The following DGKI variants were observed in gnomAD, a reference collection of about 807,000 sequenced individuals.
DGKI encodes the protein DAG kinase iota.
DGKI carries 55 observed loss-of-function variants against 147.5 expected under a neutral mutation model. The ratio of observed to expected loss-of-function variants is 0.37; its 90% CI spans 0.30 to 0.47. The LOEUF (loss-of-function observed/expected upper bound fraction) is 0.47, where lower values mean the gene tolerates loss of function less well. Ranked by LOEUF, DGKI falls within the 20% of genes least tolerant of loss-of-function variation. The probability of loss-of-function intolerance (pLI) is 1.00; values close to 1 mark genes in which losing one functional copy is unlikely to be tolerated. For synonymous variants in DGKI, 469 were observed against 477.1 expected (o/e 0.98, Z 0.22); for missense variants, 1,007 against 1,323.8 (o/e 0.76, Z 3.71).
intron 1 of DGKI, among the ~76,000 whole-genome samples, chr7:137,843,003 G>C (rs1798591510): frequency 6.6e-6 from 1 of 152,166 alleles, no homozygotes; most frequent in African/African-American, 2.4e-5. Context: ...GCGGTCTAAA[G>C]AGACAGTCCT....
At chr7:137,432,301 G>C (rs1001865350) in intron 28 of DGKI, among the ~76,000 whole-genome samples, 2 of 152,180 alleles carry the variant, frequency 1.3e-5, no homozygotes, top group Non-Finnish European at 2.9e-5. Flanking sequence ...CCATTGGGCT[G>C]TAACCTGCAG....
intron 1 of DGKI, among the ~76,000 whole-genome samples, chr7:137,804,838 T>C (rs1308268475): frequency 6.6e-6 from 1 of 152,242 alleles, no homozygotes; most frequent in East Asian, 1.9e-4. Flanking sequence ...TAATCTTACT[T>C]TGTAGGCTTA....
At chr7:137,515,577 T>C (rs1486032378) in intron 21 of DGKI, among the ~76,000 whole-genome samples, 3 of 152,188 alleles carry the variant, frequency 2.0e-5, no homozygotes, top group Non-Finnish European at 4.4e-5. Context: ...TTTTTACTTA[T>C]GTTATTAAAG....
At chr7:137,837,552 A>G (rs919094427) in intron 1 of DGKI, among the ~76,000 whole-genome samples, 1 of 152,192 alleles carries the variant, frequency 6.6e-6, no homozygotes, top group Non-Finnish European at 1.5e-5. Context: ...AGGTGGGGCC[A>G]CTGGGGGTGA....
intron 3 of DGKI, among the ~76,000 whole-genome samples, chr7:137,656,946 C>T (rs765612682): frequency 1.1e-4 from 17 of 152,120 alleles, no homozygotes; most frequent in Non-Finnish European, 1.9e-4. Context: ...GGGGCAAGAC[C>T]AACATCCAAA....
chr7:137,592,676 G>A (rs1819658484), intron 12 of DGKI, among the ~76,000 whole-genome samples: 2 of 152,266 alleles, frequency 1.3e-5, no homozygotes, highest in East Asian at 1.9e-4. Flanking sequence ...GGAAATCAAA[G>A]GAAAACAAGA....
intron 1 of DGKI, among the ~76,000 whole-genome samples, chr7:137,830,411 C>G (rs980772389): frequency 2.0e-5 from 3 of 152,198 alleles, no homozygotes; most frequent in Non-Finnish European, 4.4e-5. Context: ...TGACTGTGCT[C>G]TGGAGTGCAA....
rs938007260 is a variant in DGKI at position 137,632,508 on chromosome 7, T to C, written c.805-8954A>G. On this transcript the variant is annotated intron_variant, in intron 6 of 32. Coordinates refer to ENST00000614521, the MANE Select transcript of DGKI (RefSeq NM_001321708.2). ...AAAGACTAATGGACAACTGTACAAGTTGACATGTATACCCTGGGTATGAAG... is the reference window on the plus strand; with the variant it reads ...AAAGACTAATGGACAACTGTACAAGCTGACATGTATACCCTGGGTATGAAG... 3.3e-5 allele frequency among the ~76,000 whole-genome samples: 5 copies of C among 152,186 alleles called. 1 individual carries two copies. Among genetic ancestry groups the C allele is most frequent in the Admixed American group, 2.0e-4 (3 of 15,288 alleles).
chr7:137,412,034 C>A, intron 29 of DGKI, 136 bp downstream of exon 29: 1 of 820,576 alleles, frequency 1.2e-6, no homozygotes, highest in East Asian at 2.7e-5. Context: ...CTCAAAAGAA[C>A]ATCCTGCCTC....
chr7:137,804,456 A>C (rs1288412039), intron 1 of DGKI, among the ~76,000 whole-genome samples: 1 of 152,208 alleles, frequency 6.6e-6, no homozygotes, highest in Non-Finnish European at 1.5e-5. Flanking sequence ...CCGTCCTTTT[A>C]ATAAGTCTCT....
chr7:137,777,721 T>C (rs1015848942), intron 1 of DGKI, among the ~76,000 whole-genome samples: 27 of 152,246 alleles, frequency 1.8e-4, no homozygotes, highest in African/African-American at 5.1e-4. Context: ...TTTATATACA[T>C]AGATTTTTAA....
chr7:137,479,813 C>T (rs1467108120), intron 23 of DGKI, among the ~76,000 whole-genome samples: 1 of 152,076 alleles, frequency 6.6e-6, no homozygotes, highest in African/African-American at 2.4e-5. Context: ...CATCTGTCTG[C>T]CCCAACATCT....
chr7:137,552,534 A>C lies in DGKI; in HGVS notation c.1982T>G (p.Leu661Arg), dbSNP rs1818081630. The stretch of plus-strand genomic sequence containing the variant: ...AAGCATGACTTCTCGACACTGGTGT[A>C]GCCTCTCTCCATGGCCCCCAACTTG... ...ALQVGGHGERLHQCREVMLLT... is the reference protein window; with the variant it reads ...ALQVGGHGERRHQCREVMLLT... The change falls in exon 20 of 33, where the codon CTA becomes CGA. Residue 661 changes from leucine (L) to arginine (R), a missense_variant. Transcript: ENST00000614521. 6.2e-7 allele frequency: 1 copy of C among 1,614,080 alleles called. No homozygotes were observed. The highest frequency in any genetic ancestry group is 1.3e-5 in the African/African-American group (1 of 74,924).
At chr7:137,489,986 C>A (rs1361781386) in intron 21 of DGKI, among the ~76,000 whole-genome samples, 1 of 152,116 alleles carries the variant, frequency 6.6e-6, no homozygotes, top group Non-Finnish European at 1.5e-5. Context: ...AAGAAGTTTT[C>A]AAACATGTGT....
chr7:137,846,527 CT>C lies in DGKI; in HGVS notation c.335del (p.Lys112ArgfsTer11). 6.4e-7 allele frequency: 1 copy of C among 1,568,786 alleles called. No individual in the cohort carries two copies. Among genetic ancestry groups the C allele is most frequent in the East Asian group, 2.5e-5 (1 of 40,548 alleles). ...ALDEPAAAGQ[K>X]EKDEALEEKL... ...TCTCCTCCAGCGCTTCGTCCTTCTC[CT>C]TCTGGCCGGCGGCCGCGGGCTCGTC... On this transcript the variant is annotated frameshift_variant, in exon 1 of 33. Transcript: ENST00000614521. LOFTEE classifies it high-confidence loss of function. This position sits in a 1 kb window ranked among gnomAD's most constrained non-coding sequence, Gnocchi z 4.0.
intron 1 of DGKI, among the ~76,000 whole-genome samples, chr7:137,834,828 G>C (rs777563301): frequency 6.6e-6 from 1 of 152,204 alleles, no homozygotes; most frequent in African/African-American, 2.4e-5. Flanking sequence ...GGGCTTCAAG[G>C]CTTCCACACA....
chr7:137,738,734 C>CGG (rs1795093447), intron 1 of DGKI, among the ~76,000 whole-genome samples: 1 of 150,032 alleles, frequency 6.7e-6, no homozygotes, highest in East Asian at 2.0e-4. Flanking sequence ...TCCCCCCCCC[C>CGG]CTTTCCTTTT....
At chr7:137,503,743 A>G (rs966972032) in intron 21 of DGKI, among the ~76,000 whole-genome samples, 1 of 152,168 alleles carries the variant, frequency 6.6e-6, no homozygotes, top group Non-Finnish European at 1.5e-5. Context: ...TATAGTATGT[A>G]AAGGCCCAAT....
At chr7:137,788,924 T>C (rs1281837456) in intron 1 of DGKI, among the ~76,000 whole-genome samples, 1 of 152,228 alleles carries the variant, frequency 6.6e-6, no homozygotes, top group Non-Finnish European at 1.5e-5. Flanking sequence ...ATCCCTTTTT[T>C]CTTTTTTGTC....
Sources: gnomAD v4.1 joint callset for allele counts (sites outside exome capture counted in the v4.1 genomes callset) on GRCh38, gnomAD v4.1.1 for gene constraint, Gnocchi (gnomAD v3.1) non-coding constraint, MANE v1.5 for transcripts, NCBI Gene and HGNC (gene_info 2026-07-23, HGNC 2026-07-21) for gene names.